The following PHLPP1 variants were observed in gnomAD, a reference collection of about 807,000 sequenced individuals.
PHLPP1 encodes PH domain leucine-rich repeat-containing protein phosphatase 1.
In PHLPP1, 42 loss-of-function variants were observed where a neutral mutation model predicts 117.2. The observed-to-expected ratio is 0.36, with a 90% confidence interval of 0.28 to 0.46. The LOEUF (loss-of-function observed/expected upper bound fraction) is 0.46. Among genes scored for constraint, PHLPP1 ranks in the 20% least tolerant of loss-of-function variants. The pLI is 1.00. For missense variants in PHLPP1, 2,084 were observed against 2,241.9 expected (o/e 0.93, Z 1.42); for synonymous variants, 1,042 against 970.7 (o/e 1.07, Z -1.37).
At chr18:62,931,601 A>AC (rs1341398369) in intron 10 of PHLPP1, among the ~76,000 whole-genome samples, 10 of 149,590 alleles carry the variant, frequency 6.7e-5, no homozygotes, top group Non-Finnish European at 1.2e-4. Flanking sequence ...TAGATTAACA[A>AC]AAAAAAAAAA....
intron 1 of PHLPP1, among the ~76,000 whole-genome samples, chr18:62,728,178 C>T (rs1911131311): frequency 6.6e-6 from 1 of 151,812 alleles, no homozygotes; most frequent in Admixed American, 6.6e-5. Flanking sequence ...CCCTGTAATC[C>T]CAGCTACTCG....
At chr18:62,898,725 A>G (rs947215843) in intron 6 of PHLPP1, among the ~76,000 whole-genome samples, 2 of 152,218 alleles carry the variant, frequency 1.3e-5, no homozygotes, top group Non-Finnish European at 2.9e-5. Flanking sequence ...ACATTGCCAC[A>G]ATATCCAACT....
chr18:62,824,375 T>A (rs530153349), intron 1 of PHLPP1, among the ~76,000 whole-genome samples: 1 of 152,062 alleles, frequency 6.6e-6, no homozygotes, highest in South Asian at 2.1e-4. Flanking sequence ...GGTATATTCA[T>A]ACAATGTAAT....
Position 62,895,790 on chromosome 18 carries a change from A to C in PHLPP1, c.2223A>C (p.Thr741=). ...ATGTTTTCTCTAATAGCTTACAGAC[A>C]TTTTTGTTGGATGGAAACTTTCTCC... ...AAVGVMHNLQ[T]FLLDGNFLQS... is the part of the protein sequence containing the mutation. Residue 741 remains threonine (T), a synonymous_variant, in exon 6 of 17, where the codon ACA becomes ACC. Transcript: ENST00000262719. 1 of 1,602,302 alleles carries C rather than the reference A, an allele frequency of 6.2e-7. No homozygotes were observed. Among genetic ancestry groups the C allele is most frequent in the Non-Finnish European group, 8.6e-7 (1 of 1,169,266 alleles).
intron 4 of PHLPP1, among the ~76,000 whole-genome samples, chr18:62,887,676 C>G (rs932071039): frequency 3.3e-5 from 5 of 152,176 alleles, no homozygotes; most frequent in Admixed American, 2.6e-4. Context: ...AAAGACCGTA[C>G]CTCTTATCAC....
intron 13 of PHLPP1, among the ~76,000 whole-genome samples, chr18:62,961,402 TAGAA>T (rs1409336835): frequency 6.6e-6 from 1 of 152,152 alleles, no homozygotes; most frequent in African/African-American, 2.4e-5. Context: ...GCTGCTTCAC[TAGAA>T]AGAATTATTT....
At chr18:62,822,274 TTTTTTGTTTTTG>T (rs1914484338) in intron 1 of PHLPP1, among the ~76,000 whole-genome samples, 1 of 142,504 alleles carries the variant, frequency 7.0e-6, no homozygotes, top group Admixed American at 7.0e-5. Context: ...TGTTTTTTTT[TTTTTTGTTTTTG>T]TTTTTTTTTT....
At chr18:62,950,780 C>T (rs372513776) in intron 12 of PHLPP1, among the ~76,000 whole-genome samples, 24 of 152,178 alleles carry the variant, frequency 1.6e-4, no homozygotes, top group South Asian at 6.2e-4. Flanking sequence ...ATTTTCCAAC[C>T]GTTGCGGAAT....
chr18:62,959,582 AT>A (rs1277164894), intron 13 of PHLPP1, among the ~76,000 whole-genome samples: 2 of 152,186 alleles, frequency 1.3e-5, no homozygotes, highest in Non-Finnish European at 2.9e-5. Flanking sequence ...TTTTTGGGGT[AT>A]ATCAGTAGCA....
chr18:62,828,008 TTGTGTGTGTGTGTGTGTGTG>T (rs34088259), intron 1 of PHLPP1, among the ~76,000 whole-genome samples: 1 of 146,668 alleles, frequency 6.8e-6, no homozygotes, highest in Non-Finnish European at 1.5e-5. Context: ...TTCTTTGCAT[TTGTGTGTGTGTGTGTGTGTG>T]TGTGTGTGTG....
intron 13 of PHLPP1, 99 bp from the exon 14 acceptor site, chr18:62,963,269 A>G (rs1357701501): frequency 1.4e-6 from 1 of 729,132 alleles, no homozygotes; most frequent in East Asian, 2.7e-5. Flanking sequence ...GTAAGTACAG[A>G]GTGTTTAACA....
rs547010011 is a variant in PHLPP1, at chr18:62,817,508, A to T, written c.1577-12527A>T. On this transcript the variant is annotated intron_variant, in intron 1 of 16. Transcript: ENST00000262719. ...GGATTAACAATAGCTCAAACACTACAGAAGAAAGGATTAGTGAACTTGAAG... is the reference window on the plus strand; with the variant it reads ...GGATTAACAATAGCTCAAACACTACTGAAGAAAGGATTAGTGAACTTGAAG... Among the ~76,000 whole-genome samples the T allele has an allele frequency of 2.4e-4, 36 of 152,286 alleles. No homozygotes were observed. In the South Asian group the frequency reaches 7.3e-3, roughly 31 times the overall value.
chr18:62,820,596 C>G (rs1568127379), intron 1 of PHLPP1, among the ~76,000 whole-genome samples: 1 of 152,162 alleles, frequency 6.6e-6, no homozygotes, highest in Non-Finnish European at 1.5e-5. Context: ...AGGGGCTCAT[C>G]CCCCTTCGCT....
intron 10 of PHLPP1, among the ~76,000 whole-genome samples, chr18:62,934,885 C>G (rs982564685): frequency 6.6e-6 from 1 of 152,156 alleles, no homozygotes; most frequent in African/African-American, 2.4e-5. Flanking sequence ...AGGGATACTT[C>G]TTTAACATTA....
intron 1 of PHLPP1, among the ~76,000 whole-genome samples, chr18:62,801,803 C>T (rs1396009378): frequency 6.6e-6 from 1 of 152,136 alleles, no homozygotes; most frequent in Non-Finnish European, 1.5e-5. Flanking sequence ...AAGTCATAGG[C>T]ATTTACCTTC....
chr18:62,869,514 A>G (rs533611944), intron 4 of PHLPP1, among the ~76,000 whole-genome samples: 3 of 152,286 alleles, frequency 2.0e-5, no homozygotes, highest in South Asian at 2.1e-4. Flanking sequence ...TACCCTAAAC[A>G]TCATCACTAT....
chr18:62,905,358 C>T (rs1200721999), intron 8 of PHLPP1, 74 bp downstream of exon 8: 5 of 699,342 alleles, frequency 7.1e-6, no homozygotes, highest in Non-Finnish European at 8.7e-6. Flanking sequence ...AGCTTATGCA[C>T]AAGTACTTTT....
chr18:62,791,853 A>C (rs747671129), intron 1 of PHLPP1, among the ~76,000 whole-genome samples: 5 of 152,218 alleles, frequency 3.3e-5, no homozygotes, highest in Non-Finnish European at 7.3e-5. Flanking sequence ...CACAGTTAAC[A>C]GGTGGACTTG....
intron 1 of PHLPP1, among the ~76,000 whole-genome samples, chr18:62,828,032 G>C (rs912247578): frequency 3.9e-5 from 6 of 151,930 alleles, no homozygotes; most frequent in Non-Finnish European, 7.4e-5. Flanking sequence ...GTGTGTGTGT[G>C]TGTGTGTGTG....
Sources: allele counts gnomAD v4.1 joint callset (sites outside exome capture counted in the v4.1 genomes callset), GRCh38; gene constraint gnomAD v4.1.1; transcripts MANE v1.5; gene names NCBI Gene and HGNC (gene_info 2026-07-23, HGNC 2026-07-21).